Variants in PAG1 observed in about 807,000 individuals in gnomAD.
The protein encoded by PAG1 is phosphoprotein associated with glycosphingolipid-enriched microdomains 1.
Under a neutral mutation model 31.7 loss-of-function variants are expected in PAG1, and 23 were observed. The observed-to-expected ratio is 0.73, with a 90% confidence interval of 0.52 to 1.03. The LOEUF is 1.03. PAG1 is among the 50% of genes least tolerant of loss of function. The pLI is 0.00. For synonymous variants in PAG1, 214 were observed against 210.3 expected, an observed-to-expected ratio of 1.02 and a Z score of -0.15; for missense variants, 473 against 540.7, an observed-to-expected ratio of 0.87 and a Z score of 1.24.
chr8:80,999,055 T>A (rs1807738524), intron 3 of PAG1, among the ~76,000 whole-genome samples: 1 of 152,200 alleles, frequency 6.6e-6, no homozygotes, highest in Non-Finnish European at 1.5e-5. Flanking sequence ...GTGAGCACAC[T>A]GACAGCTGCA....
At chr8:80,991,934 GA>G (rs1223546566) in intron 4 of PAG1, among the ~76,000 whole-genome samples, 1 of 151,332 alleles carries the variant, frequency 6.6e-6, no homozygotes, top group Non-Finnish European at 1.5e-5. Flanking sequence ...GTGGGATGGA[GA>G]AAATACAGAT....
chr8:81,044,032 G>A (rs1187648169), intron 2 of PAG1, among the ~76,000 whole-genome samples: 1 of 152,140 alleles, frequency 6.6e-6, no homozygotes, highest in African/African-American at 2.4e-5. Flanking sequence ...AAGGCTTCTT[G>A]AACGGTCAAG....
At chr8:81,013,775 T>C (rs1808024964) in intron 3 of PAG1, among the ~76,000 whole-genome samples, 1 of 152,182 alleles carries the variant, frequency 6.6e-6, no homozygotes. Context: ...AGACAGGGTT[T>C]CACCATGTTG....
At chr8:81,074,678 C>T (rs890917745) in intron 1 of PAG1, among the ~76,000 whole-genome samples, 2 of 152,176 alleles carry the variant, frequency 1.3e-5, no homozygotes, top group African/African-American at 4.8e-5. Context: ...GAATCAGACT[C>T]TGCATTCTAA....
At chr8:81,010,731 T>A (rs1396406228) in intron 3 of PAG1, among the ~76,000 whole-genome samples, 1 of 152,236 alleles carries the variant, frequency 6.6e-6, no homozygotes, top group East Asian at 1.9e-4. Context: ...GTACACTTTG[T>A]TCAGCTCAGT....
intron 3 of PAG1, among the ~76,000 whole-genome samples, chr8:81,004,860 T>C (rs1478857226): frequency 1.3e-5 from 2 of 152,044 alleles, no homozygotes; most frequent in Non-Finnish European, 2.9e-5. Context: ...GTTCACACGG[T>C]GGAAAGGACT....
chr8:81,102,040 G>T (rs527575460), intron 1 of PAG1, among the ~76,000 whole-genome samples: 1 of 152,078 alleles, frequency 6.6e-6, no homozygotes, highest in South Asian at 2.1e-4. Context: ...CTAACTCTAT[G>T]CCCTGGATTA....
chr8:80,976,618 C>T lies in PAG1; in HGVS notation c.1225G>A (p.Gly409Ser), dbSNP rs375847064. 4.3e-6 allele frequency: 7 copies of T among 1,614,098 alleles called. No homozygotes were observed. The African/African-American group carries it at 5.3e-5, about 12-fold the overall frequency. Reference protein sequence around the residue: ...KATLGTNGHHGLVPKENDYES... With the variant: ...KATLGTNGHHSLVPKENDYES... ...TAGTCGTTCTCCTTTGGGACGAGAC[C>T]GTGGTGGCCATTGGTCCCCAGGGTG... is the stretch of plus-strand genomic sequence containing the variant. Residue 409 changes from glycine (G) to serine (S), a missense_variant, in exon 9 of 9, where the codon GGT becomes AGT. Coordinates refer to ENST00000220597, the MANE Select transcript of PAG1 (RefSeq NM_018440.4).
intron 3 of PAG1, among the ~76,000 whole-genome samples, chr8:81,013,146 T>C (rs1030487255): frequency 6.6e-5 from 10 of 152,338 alleles, no homozygotes; most frequent in Non-Finnish European, 8.8e-5. Context: ...AACCACACAT[T>C]TGAGAAAACA....
At chr8:81,034,669 T>C (rs754638061) in intron 2 of PAG1, among the ~76,000 whole-genome samples, 25 of 152,210 alleles carry the variant, frequency 1.6e-4, no homozygotes, top group Admixed American at 3.3e-4. Flanking sequence ...GCTTAGTGGC[T>C]TCAACCTTGT....
At chr8:81,102,242 G>C (rs1223181242) in intron 1 of PAG1, among the ~76,000 whole-genome samples, 1 of 151,932 alleles carries the variant, frequency 6.6e-6, no homozygotes, top group Non-Finnish European at 1.5e-5. Flanking sequence ...AACTACATTG[G>C]ACTAAGGCTA....
rs187990407 is a variant in PAG1, at chr8:81,028,986, C to A, written c.-81+1010G>T. On this transcript the variant is annotated intron_variant, in intron 3 of 8. Transcript: ENST00000220597. ...ACACTAAGGGCTAGGTAGTATCAAC[C>A]ATATCATATTAACTTCTAAACAGAG... is the stretch of plus-strand genomic sequence containing the variant. 4.6e-5 allele frequency among the ~76,000 whole-genome samples: 7 copies of A among 152,316 alleles called. No homozygotes were observed. The East Asian group carries it at 1.3e-3, about 29-fold the overall frequency.
chr8:80,989,120 A>T (rs1258449493), intron 5 of PAG1, among the ~76,000 whole-genome samples: 1 of 152,212 alleles, frequency 6.6e-6, no homozygotes, highest in Non-Finnish European at 1.5e-5. Flanking sequence ...GAAGCCAGTA[A>T]TACACAGCAG....
At chr8:81,038,784 C>T (rs544448678) in intron 2 of PAG1, among the ~76,000 whole-genome samples, 12 of 152,230 alleles carry the variant, frequency 7.9e-5, no homozygotes, top group African/African-American at 2.6e-4. Flanking sequence ...TGTACACTCT[C>T]GCATGACTTA....
Position 80,987,624 on chromosome 8 carries a change from C to T in PAG1, c.178-158G>A, listed in dbSNP as rs1004351449. On this transcript the variant is annotated intron_variant, in intron 5 of 8. Coordinates refer to ENST00000220597, the MANE Select transcript of PAG1 (RefSeq NM_018440.4). ...AGTCCCCCCTTATCTACAGAGGGTA[C>T]ATTTCAAGACCCCCAGTGGATGCCT... 4 of 575,314 alleles carry T rather than the reference C, an allele frequency of 7.0e-6. No individual in the cohort carries two copies. In the East Asian group the frequency reaches 1.2e-4, roughly 17 times the overall value. The allele number at this position is 575,314 out of a possible 1,614,324, so 35.6% of individuals were successfully genotyped here.
At chr8:81,003,934 TA>T (rs998827641) in intron 3 of PAG1, among the ~76,000 whole-genome samples, 14 of 152,186 alleles carry the variant, frequency 9.2e-5, no homozygotes, top group Non-Finnish European at 1.3e-4. Flanking sequence ...ACGGCCTTTT[TA>T]GTCAGCATGC....
At chr8:81,057,564 C>T (rs1371619674) in intron 2 of PAG1, among the ~76,000 whole-genome samples, 3 of 99,706 alleles carry the variant, frequency 3.0e-5, no homozygotes, top group African/African-American at 4.2e-5. Flanking sequence ...AGGGGCCTGT[C>T]GTGGGGTCGG....
At chr8:80,993,377 G>T in intron 3 of PAG1, 70 bp from the exon 4 acceptor site, 1 of 763,308 alleles carries the variant, frequency 1.3e-6, no homozygotes, top group Non-Finnish European at 2.0e-6. Flanking sequence ...TTCGGTCCCT[G>T]TCAGGAGCAA....
At chr8:81,069,698 G>A (rs1809063722) in intron 2 of PAG1, among the ~76,000 whole-genome samples, 1 of 152,166 alleles carries the variant, frequency 6.6e-6, no homozygotes, top group Admixed American at 6.5e-5. Context: ...TGGTGGCAGT[G>A]AGCACTGTGT....
Sources: allele counts gnomAD v4.1 joint callset (sites outside exome capture counted in the v4.1 genomes callset), GRCh38; gene constraint gnomAD v4.1.1; transcripts MANE v1.5; gene names NCBI Gene and HGNC (gene_info 2026-07-23, HGNC 2026-07-21).